KPNA4: variants seen among roughly 807,000 people sequenced by gnomAD.
The protein encoded by KPNA4 is importin subunit alpha-3.
A neutral mutation model predicts 71.3 loss-of-function variants in KPNA4; 13 were observed. The observed-to-expected ratio is 0.18, with a 90% CI of 0.12 to 0.29. KPNA4 has a LOEUF of 0.29. Ranked by LOEUF, KPNA4 falls within the 10% of genes least tolerant of loss-of-function variation. The pLI, the probability that KPNA4 is intolerant of heterozygous loss-of-function variation, is 1.00. For missense variants in KPNA4, 334 were observed against 603.2 expected (o/e 0.55, Z 4.67); for synonymous variants, 189 against 195.2 (o/e 0.97, Z 0.26).
rs571911773 is a variant in KPNA4 at position 160,557,114 on chromosome 3, A to G, written c.69+8100T>C. 7.2e-5 allele frequency among the ~76,000 whole-genome samples: 11 copies of G among 152,302 alleles called. No individual in the cohort carries two copies. In the South Asian group the frequency reaches 2.3e-3, roughly 32 times the overall value. ...AGAATATTTGGGTTTCACACCTACT[A>G]AAGAACAAGGAGTGATGTTAACAAT... On this transcript the variant is annotated intron_variant, in intron 1 of 16. Coordinates refer to ENST00000334256, the MANE Select transcript of KPNA4 (RefSeq NM_002268.5).
chr3:160,512,025 T>G (rs1721106040), intron 13 of KPNA4, among the ~76,000 whole-genome samples: 1 of 152,190 alleles, frequency 6.6e-6, no homozygotes, highest in Non-Finnish European at 1.5e-5. Flanking sequence ...TTTTATGAAC[T>G]CTCATGTTCC....
At chr3:160,545,084 C>T (rs1721878704) in intron 1 of KPNA4, among the ~76,000 whole-genome samples, 1 of 152,192 alleles carries the variant, frequency 6.6e-6, no homozygotes. Context: ...CATCACATTA[C>T]TTTTTCATTC....
In KPNA4 at chr3:160,565,253, T is replaced by C. The variant is rs773455911; in HGVS notation, c.30A>G (p.Gln10=). The C allele has an allele frequency of 3.7e-6, 6 of 1,609,848 alleles. No homozygotes were observed. Among genetic ancestry groups the C allele is most frequent in the Non-Finnish European group, 4.2e-6 (5 of 1,178,122 alleles). The change falls in exon 1 of 17, where the codon CAA becomes CAG. Residue 10 remains glutamine (Q), a synonymous_variant. Transcript: ENST00000334256. ...CTTTGTTCTTGAAATTCTTGAGCCG[T>C]TGGTTGTCCAGTTTCTCGTTGTCCG... is the stretch of plus-strand genomic sequence containing the variant. MADNEKLDN[Q]RLKNFKNKGR...
intron 10 of KPNA4, among the ~76,000 whole-genome samples, chr3:160,525,336 T>C (rs1050101397): frequency 6.6e-6 from 1 of 152,056 alleles, no homozygotes; most frequent in African/African-American, 2.4e-5. Flanking sequence ...TACAAATCCA[T>C]GCACAAACAT....
intron 13 of KPNA4, among the ~76,000 whole-genome samples, chr3:160,510,312 A>C (rs1441898506): frequency 6.6e-6 from 1 of 152,000 alleles, no homozygotes; most frequent in Non-Finnish European, 1.5e-5. Context: ...GAAGCGAAGA[A>C]ATATTTAAAA....
In KPNA4 at chr3:160,495,501, G is replaced by A. The variant is rs1385064113; in HGVS notation, c.*6603C>T. ...CCATGTAGGTAACTTAGCTATCCTAGATCATCCTAAACTGGTTAAAAGGAA... is the reference window on the plus strand; with the variant it reads ...CCATGTAGGTAACTTAGCTATCCTAAATCATCCTAAACTGGTTAAAAGGAA... On this transcript the variant is annotated 3_prime_UTR_variant, in exon 17 of 17. Coordinates refer to ENST00000334256, the MANE Select transcript of KPNA4 (RefSeq NM_002268.5). 3 of 137,770 alleles carry A rather than the reference G, an allele frequency of 2.2e-5. No individual in the cohort carries two copies. The highest frequency in any genetic ancestry group is 8.5e-5 in the African/African-American group (3 of 35,422). 8.5% of individuals were successfully genotyped at this position (137,770 alleles called of 1,614,324 possible). A position where few individuals can be genotyped will look rare whatever the true frequency, so the allele number is the denominator to read the frequency against.
At chr3:160,558,259 G>A (rs982943543) in intron 1 of KPNA4, among the ~76,000 whole-genome samples, 1 of 152,174 alleles carries the variant, frequency 6.6e-6, no homozygotes, top group African/African-American at 2.4e-5. Flanking sequence ...TGTTAAATAA[G>A]GGGAATAAGA....
At chr3:160,549,089 G>A (rs894592418) in intron 1 of KPNA4, among the ~76,000 whole-genome samples, 1 of 152,182 alleles carries the variant, frequency 6.6e-6, no homozygotes, top group African/African-American at 2.4e-5. Context: ...ATCCTCCTTA[G>A]AGAAATATCT....
Position 160,515,496 on chromosome 3 carries a change from G to A in KPNA4, c.988C>T (p.His330Tyr), listed in dbSNP as rs1721192723. The A allele has an allele frequency of 2.5e-6, 4 of 1,613,780 alleles. No individual in the cohort carries two copies. Among genetic ancestry groups the A allele is most frequent in the Middle Eastern group, 1.6e-4 (1 of 6,080 alleles). ...QVVLNCDALS[H>Y]FPALLTHPKE... ...GGATGTGTCAGGAGTGCTGGGAAGT[G>A]TGAAAGAGCATCACAGTTCAAAACT... Residue 330 changes from histidine (H) to tyrosine (Y), a missense_variant, in exon 12 of 17, where the codon CAC becomes TAC. Physicochemically the swap from His to Tyr is moderately conservative, Grantham distance 83. Transcript: ENST00000334256.
chr3:160,552,554 G>A lies in KPNA4; in HGVS notation c.69+12660C>T, dbSNP rs148186270. 2.4e-4 allele frequency among the ~76,000 whole-genome samples: 36 copies of A among 152,238 alleles called. 1 individual carries two copies. The East Asian group carries it at 6.0e-3, about 25-fold the overall frequency. On this transcript the variant is annotated intron_variant, in intron 1 of 16. Coordinates refer to ENST00000334256, the MANE Select transcript of KPNA4 (RefSeq NM_002268.5). ...AGTTTCAGGGAGCTTATAGTCTGAC[G>A]GGAGAAACTAACATTGAGTAAACAC... is the stretch of plus-strand genomic sequence containing the variant.
chr3:160,519,587 G>A (rs977869761), intron 11 of KPNA4, among the ~76,000 whole-genome samples: 2 of 151,648 alleles, frequency 1.3e-5, no homozygotes, highest in Non-Finnish European at 2.9e-5. Context: ...GAGGTCAGGA[G>A]ATCGAGACCA....
chr3:160,543,616 A>G (rs2108556656), intron 1 of KPNA4, among the ~76,000 whole-genome samples: 1 of 152,284 alleles, frequency 6.6e-6, no homozygotes, highest in South Asian at 2.1e-4. Context: ...TACAAGTGTG[A>G]GCCACCATAC....
chr3:160,502,012 T>A lies in KPNA4; in HGVS notation c.*92A>T, dbSNP rs923932732. ...GCCAAGCTTGATGGATCAAACCTTTTTATATATATGTATATATATATATAT... is the reference window on the plus strand; with the variant it reads ...GCCAAGCTTGATGGATCAAACCTTTATATATATATGTATATATATATATAT... On this transcript the variant is annotated 3_prime_UTR_variant, in exon 17 of 17. Transcript: ENST00000334256. 11 of 364,702 alleles carry A rather than the reference T, an allele frequency of 3.0e-5. No individual in the cohort carries two copies. The Admixed American group carries it at 3.5e-4, about 11-fold the overall frequency. 22.6% of individuals were successfully genotyped at this position (364,702 alleles called of 1,614,324 possible).
chr3:160,506,772 T>C (rs2108543103), intron 15 of KPNA4, among the ~76,000 whole-genome samples: 1 of 152,370 alleles, frequency 6.6e-6, no homozygotes, highest in Non-Finnish European at 1.5e-5. Context: ...TGTTACTTAA[T>C]CCCTAATTAG....
In KPNA4 at chr3:160,565,188, C is replaced by A. The variant is rs781328206; in HGVS notation, c.69+26G>T. 8 of 1,586,202 alleles carry A rather than the reference C, an allele frequency of 5.0e-6. No homozygotes were observed. In the Admixed American group the frequency reaches 6.9e-5, roughly 14 times the overall value. On this transcript the variant is annotated intron_variant, in intron 1 of 16. Transcript: ENST00000334256. Reference sequence around the variant, plus strand: ...CCGGCCCCAGGCCCACAGCCCCCACCCCTCCGGCGTCGTCCCCGAGTTTAC... The same window carrying A: ...CCGGCCCCAGGCCCACAGCCCCCACACCTCCGGCGTCGTCCCCGAGTTTAC...
At chr3:160,531,067 G>A (rs1721566182) in intron 6 of KPNA4, 127 bp from the exon 7 acceptor site, 1 of 660,496 alleles carries the variant, frequency 1.5e-6, no homozygotes, top group Non-Finnish European at 2.6e-6. Flanking sequence ...TATCCATCCA[G>A]CATATTTTTT....
rs549977722 is a variant in KPNA4 at position 160,560,053 on chromosome 3, A to C, written c.69+5161T>G. Among the ~76,000 whole-genome samples, 495 of 152,076 alleles carry C rather than the reference A, an allele frequency of 3.3e-3. 1 individual carries two copies. The highest frequency in any genetic ancestry group is 0.011 in the African/African-American group (462 of 41,510). ...TACAAGTGACCCACAATTTCCAAAA[A>C]CCCTCTGAGAAAAAAAGAAAACATT... On this transcript the variant is annotated intron_variant, in intron 1 of 16. Transcript: ENST00000334256.
rs796534660 is a variant in KPNA4, at chr3:160,545,314, T to C, written c.70-8474A>G. 2.0e-5 allele frequency among the ~76,000 whole-genome samples: 3 copies of C among 152,248 alleles called. No homozygotes were observed. In the East Asian group the frequency reaches 5.8e-4, roughly 29 times the overall value. Reference sequence around the variant, plus strand: ...GTTATGTTCACATACTAAACAGATGTATGCATGTGCATAGGAAACCATTCA... The same window carrying C: ...GTTATGTTCACATACTAAACAGATGCATGCATGTGCATAGGAAACCATTCA... On this transcript the variant is annotated intron_variant, in intron 1 of 16. Coordinates refer to ENST00000334256, the MANE Select transcript of KPNA4 (RefSeq NM_002268.5).
chr3:160,529,747 C>CA lies in KPNA4; in HGVS notation c.469+1107dup, dbSNP rs548269402. ...AATTTTCCACTTACATTTCTTGAAA[C>CA]AAAAAAAAGCAATCCTATTATAATA... is the stretch of plus-strand genomic sequence containing the variant. On this transcript the variant is annotated intron_variant, in intron 7 of 16. Coordinates refer to ENST00000334256, the MANE Select transcript of KPNA4 (RefSeq NM_002268.5). Among the ~76,000 whole-genome samples, 13 of 150,474 alleles carry CA rather than the reference C, an allele frequency of 8.6e-5. No homozygotes were observed. The South Asian group carries it at 1.9e-3, about 22-fold the overall frequency.
Sources: gnomAD v4.1 joint callset for allele counts (sites outside exome capture counted in the v4.1 genomes callset) on GRCh38, gnomAD v4.1.1 for gene constraint, MANE v1.5 for transcripts, NCBI Gene and HGNC (gene_info 2026-07-23, HGNC 2026-07-21) for gene names.